Variants in SCN1A observed in about 807,000 individuals in gnomAD.
SCN1A encodes the protein sodium channel protein type 1 subunit alpha.
In SCN1A, 13 loss-of-function variants were observed where a neutral mutation model predicts 193.7. The ratio of observed to expected loss-of-function variants is 0.07; its 90% confidence interval spans 0.04 to 0.11. SCN1A has a LOEUF of 0.11. Among genes scored for constraint, SCN1A ranks in the 10% least tolerant of loss-of-function variants. The probability of loss-of-function intolerance (pLI) is 1.00; values close to 1 mark genes in which losing one functional copy is unlikely to be tolerated. For missense variants in SCN1A, 1,432 were observed against 2,451.1 expected, an observed-to-expected ratio of 0.58 and a Z score of 8.78; for synonymous variants, 781 against 843.6, an observed-to-expected ratio of 0.93 and a Z score of 1.29.
chr2:166,030,822 G>A (rs1007182804), intron 19 of SCN1A, among the ~76,000 whole-genome samples: 2 of 151,990 alleles, frequency 1.3e-5, no homozygotes, highest in African/African-American at 2.4e-5. Context: ...TGTGGTAGGT[G>A]CTTCGGAGGA....
chr2:166,013,456 T>C (rs956301739), intron 21 of SCN1A, among the ~76,000 whole-genome samples: 5 of 151,532 alleles, frequency 3.3e-5, no homozygotes, highest in East Asian at 1.9e-4. Context: ...CAATGAGTAA[T>C]TGAATATTCA....
At position 165,991,477 on chromosome 2, in the gene SCN1A, C is replaced by A. The variant is rs556893466; in HGVS notation, c.5798G>T (p.Arg1933Leu). Residue 1933 changes from arginine (R) to leucine (L), a missense_variant, in exon 29 of 29, where the codon CGA becomes CTA. Physicochemically the swap from Arg to Leu is moderately radical, Grantham distance 102. Transcript: ENST00000674923. ...CGTAAAGGAAGCTTGTTTTACAGTT[C>A]GCTTTAAAAGGTGGCGTCTGTAAGC... is the stretch of plus-strand genomic sequence containing the variant. ...QRAYRRHLLK[R>L]TVKQASFTYN... The A allele has an allele frequency of 3.1e-6, 5 of 1,613,776 alleles. No homozygotes were observed. In the East Asian group the frequency reaches 6.7e-5, roughly 22 times the overall value.
rs375909896 is a variant in SCN1A, at chr2:166,036,459, A to C, written c.3018T>G (p.Asp1006Glu). Residue 1006 changes from aspartate (D) to glutamate (E), a missense_variant, in exon 19 of 29, where the codon GAT (aspartate) becomes GAG (glutamate). Coordinates refer to ENST00000674923, the MANE Select transcript of SCN1A (RefSeq NM_001165963.4). ...SADNLAATDDDNEMNNLQIAV... is the reference protein window; with the variant it reads ...SADNLAATDDENEMNNLQIAV... ...CAATTTGGAGATTATTCATTTCATTATCATCATCAGTGGCTGCAAGGTTGT... is the reference window on the plus strand; with the variant it reads ...CAATTTGGAGATTATTCATTTCATTCTCATCATCAGTGGCTGCAAGGTTGT... The C allele has an allele frequency of 2.4e-5, 39 of 1,610,456 alleles. No homozygotes were observed. The highest frequency in any genetic ancestry group is 3.3e-5 in the Non-Finnish European group (39 of 1,179,024).
At chr2:166,020,737 T>C (rs1419118533) in intron 19 of SCN1A, among the ~76,000 whole-genome samples, 1 of 152,214 alleles carries the variant, frequency 6.6e-6, no homozygotes, top group East Asian at 1.9e-4. Flanking sequence ...TATTTACTTT[T>C]TAAATAGTTA....
chr2:166,029,971 C>T (rs1390856275), intron 19 of SCN1A, among the ~76,000 whole-genome samples: 2 of 152,156 alleles, frequency 1.3e-5, no homozygotes, highest in Non-Finnish European at 2.9e-5. Context: ...GGAACAGGAC[C>T]TTTCAGGACT....
At chr2:166,126,526 AC>A (rs1177942285) in intron 2 of SCN1A, 2 of 152,190 alleles carry the variant, frequency 1.3e-5, no homozygotes, top group Admixed American at 1.3e-4. Flanking sequence ...AGCAGGAATC[AC>A]CAACCTCAGC....
At chr2:166,044,280 T>A (rs1326001880) in intron 13 of SCN1A, among the ~76,000 whole-genome samples, 1 of 151,926 alleles carries the variant, frequency 6.6e-6, no homozygotes, top group Non-Finnish European at 1.5e-5. Context: ...ATTGCAACCT[T>A]AACATATTGA....
At chr2:166,117,729 G>T (rs1690017047) in intron 2 of SCN1A, among the ~76,000 whole-genome samples, 1 of 152,180 alleles carries the variant, frequency 6.6e-6, no homozygotes, top group African/African-American at 2.4e-5. Context: ...GGGCACGGAG[G>T]TTCATGCCTG....
At chr2:166,091,929 C>T (rs73026901) in intron 2 of SCN1A, among the ~76,000 whole-genome samples, 2,335 of 152,214 alleles carry the variant, frequency 0.015, 69 homozygotes, top group African/African-American at 0.053. Flanking sequence ...GCTCAGTGCA[C>T]GGGCTATAGG....
chr2:166,012,757 GTTGT>G (rs915651475), intron 21 of SCN1A, among the ~76,000 whole-genome samples: 13 of 149,056 alleles, frequency 8.7e-5, no homozygotes, highest in African/African-American at 2.7e-4. Flanking sequence ...CTTTTTTGTT[GTTGT>G]TTGTTATTTT....
At chr2:166,002,829 T>G (rs1333336329) in intron 23 of SCN1A, 76 bp from the exon 24 acceptor site, 10 of 1,209,924 alleles carry the variant, frequency 8.3e-6, no homozygotes, top group Non-Finnish European at 4.6e-6. Context: ...CCTAGTAATC[T>G]CTGGTCTTTC....
At chr2:166,098,456 G>A (rs78436265) in intron 2 of SCN1A, among the ~76,000 whole-genome samples, 2,441 of 152,134 alleles carry the variant, frequency 0.016, 28 homozygotes, top group Non-Finnish European at 0.023. Context: ...AAACAAGGGT[G>A]CTCACTCTTA....
At chr2:165,993,878 T>C in intron 28 of SCN1A, 1 of 505,246 alleles carries the variant, frequency 2.0e-6, no homozygotes, top group Non-Finnish European at 3.5e-6. Context: ...AAAACATTTT[T>C]ATTTTAGTTA....
chr2:166,033,894 G>A (rs1310554014), intron 19 of SCN1A, among the ~76,000 whole-genome samples: 1 of 152,084 alleles, frequency 6.6e-6, no homozygotes, highest in East Asian at 1.9e-4. Flanking sequence ...AATGCTAAAT[G>A]TAGGTCTAAA....
chr2:166,116,988 C>T (rs987750972), intron 2 of SCN1A, among the ~76,000 whole-genome samples: 6 of 151,986 alleles, frequency 3.9e-5, no homozygotes, highest in African/African-American at 1.4e-4. Context: ...CATCAGAAAC[C>T]CTGTAAGTTT....
chr2:166,039,465 G>A lies in SCN1A; in HGVS notation c.2547C>T (p.Leu849=), dbSNP rs147360576. 25 of 1,612,524 alleles carry A rather than the reference G, an allele frequency of 1.6e-5. No homozygotes were observed. In the East Asian group the frequency reaches 3.3e-4, roughly 22 times the overall value. ...GAACAGATAATCCTTCCACATTGGC[G>A]AGTCCAAGTTCTACCAGGCTAAGCG... ...IVTLSLVELG[L]ANVEGLSVLR... The change falls in exon 17 of 29, where the codon CTC becomes CTT. Residue 849 remains leucine (L), a synonymous_variant. Coordinates refer to ENST00000674923, the MANE Select transcript of SCN1A (RefSeq NM_001165963.4).
chr2:166,016,589 T>G (rs1693336121), intron 19 of SCN1A: 1 of 152,096 alleles, frequency 6.6e-6, no homozygotes, highest in Non-Finnish European at 1.5e-5. Context: ...ACTAACATAT[T>G]AAGATAGGAA....
rs139331142 is a variant in SCN1A, at chr2:166,123,178, T to C, written c.-142+3746A>G. ...TAACATAGATGAAAATGAAAGCTGA[T>C]GTTTATCAAATTATTTTGAAATCAC... On this transcript the variant is annotated intron_variant, in intron 2 of 28. Transcript: ENST00000674923. Among the ~76,000 whole-genome samples the C allele has an allele frequency of 6.6e-5, 9 of 137,102 alleles. No homozygotes were observed. In the East Asian group the frequency reaches 1.7e-3, roughly 26 times the overall value. The allele number at this position is 137,102 out of a possible 152,430, so 89.9% of individuals were successfully genotyped here.
intron 19 of SCN1A, chr2:166,015,963 A>G: frequency 2.1e-6 from 1 of 487,124 alleles, no homozygotes; most frequent in Non-Finnish European, 3.7e-6. Context: ...TGAGGTTACA[A>G]AAGGCCATCA....
Sources: allele counts gnomAD v4.1 joint callset (sites outside exome capture counted in the v4.1 genomes callset), GRCh38; gene constraint gnomAD v4.1.1; transcripts MANE v1.5; gene names NCBI Gene and HGNC (gene_info 2026-07-23, HGNC 2026-07-21).